Variants in RABGEF1 observed in about 807,000 individuals in gnomAD.
RABGEF1 encodes the protein rab5 GDP/GTP exchange factor.
Under a neutral mutation model 57.3 loss-of-function variants are expected in RABGEF1, and 26 were observed. The observed-to-expected ratio is 0.45, with a 90% confidence interval of 0.33 to 0.63. The LOEUF (loss-of-function observed/expected upper bound fraction) is 0.63, where lower values mean the gene tolerates loss of function less well. RABGEF1 is among the 20% of genes least tolerant of loss of function. RABGEF1 has a pLI of 0.02. For missense variants in RABGEF1, 464 were observed against 607.6 expected (o/e 0.76, Z 2.48); for synonymous variants, 185 against 210.7 (o/e 0.88, Z 1.06).
At chr7:66,743,357 C>CT in intron 1 of RABGEF1, among the ~76,000 whole-genome samples, 1 of 151,478 alleles carries the variant, frequency 6.6e-6, no homozygotes, top group Admixed American at 6.6e-5. Flanking sequence ...CTCTCTCTCT[C>CT]CCTGTCTCCC....
At chr7:66,721,599 TC>T (rs1796058637) in intron 2 of RABGEF1, among the ~76,000 whole-genome samples, 1 of 152,172 alleles carries the variant, frequency 6.6e-6, no homozygotes, top group Non-Finnish European at 1.5e-5. Flanking sequence ...ACTCTGACCC[TC>T]CTGCCTCCCC....
chr7:66,726,719 C>T (rs771873937), intron 2 of RABGEF1, among the ~76,000 whole-genome samples: 5 of 151,804 alleles, frequency 3.3e-5, no homozygotes, highest in Non-Finnish European at 7.4e-5. Flanking sequence ...AAATGGACTG[C>T]GAGGTCAGGT....
intron 1 of RABGEF1, among the ~76,000 whole-genome samples, chr7:66,762,175 G>A (rs1804575307): frequency 6.6e-6 from 1 of 152,226 alleles, no homozygotes; most frequent in Non-Finnish European, 1.5e-5. Flanking sequence ...GGTACTATTT[G>A]AGTCACTAGA....
the RABGEF1 span, among the ~76,000 whole-genome samples, chr7:66,657,561 C>T: frequency 6.6e-6 from 1 of 152,214 alleles, no homozygotes; most frequent in South Asian, 2.1e-4. Flanking sequence ...GTGGCTCATG[C>T]CAACATCCCA....
intron 1 of RABGEF1, among the ~76,000 whole-genome samples, chr7:66,762,764 G>C (rs937659400): frequency 2.0e-5 from 3 of 152,044 alleles, no homozygotes; most frequent in Non-Finnish European, 4.4e-5. Context: ...ATGGAGAAAT[G>C]GCATTGGGTC....
At chr7:66,805,813 T>C (rs1788303333) in intron 8 of RABGEF1, among the ~76,000 whole-genome samples, 1 of 152,052 alleles carries the variant, frequency 6.6e-6, no homozygotes, top group African/African-American at 2.4e-5. Context: ...GGTACAATCA[T>C]AGCTCACTGC....
At chr7:66,737,093 CGAGAGAGAGAGA>C (rs141745026), upstream of RABGEF1, among the ~76,000 whole-genome samples, 13 of 127,292 alleles carry the variant, frequency 1.0e-4, no homozygotes, top group African/African-American at 3.6e-4. Flanking sequence ...AGAGCGAGAG[CGAGAGAGAGAGA>C]GAGAGAGAGA....
intron 1 of RABGEF1, among the ~76,000 whole-genome samples, chr7:66,756,415 G>A (rs1231260870): frequency 2.6e-5 from 4 of 152,264 alleles, no homozygotes; most frequent in Middle Eastern, 3.4e-3. Context: ...TTGGCATTCC[G>A]TTTCTGTTTC....
At chr7:66,690,892 T>C (rs902938076) in intron 1 of RABGEF1, among the ~76,000 whole-genome samples, 8 of 150,980 alleles carry the variant, frequency 5.3e-5, no homozygotes, top group South Asian at 4.2e-4. Context: ...GAGACCAGCC[T>C]GGCCAACATG....
chr7:66,717,084 C>T (rs1275950743), intron 2 of RABGEF1, among the ~76,000 whole-genome samples: 1 of 152,150 alleles, frequency 6.6e-6, no homozygotes, highest in Non-Finnish European at 1.5e-5. Context: ...TGGCTGCTCT[C>T]TGTTTTTTAT....
chr7:66,718,077 C>A (rs1393234642), intron 2 of RABGEF1, among the ~76,000 whole-genome samples: 1 of 152,018 alleles, frequency 6.6e-6, no homozygotes, highest in African/African-American at 2.4e-5. Flanking sequence ...AATAGGTAGG[C>A]CAGGCATGGT....
At chr7:66,772,911 C>CAAAA (rs1043792326) in intron 2 of RABGEF1, among the ~76,000 whole-genome samples, 150 of 141,678 alleles carry the variant, frequency 1.1e-3, no homozygotes, top group African/African-American at 3.3e-3. Flanking sequence ...GACTCTGTCT[C>CAAAA]AAAAAAAAAT....
chr7:66,806,067 A>G (rs1470529815), intron 8 of RABGEF1, among the ~76,000 whole-genome samples: 1 of 151,774 alleles, frequency 6.6e-6, no homozygotes, highest in Non-Finnish European at 1.5e-5. Context: ...TTTTCTTCCT[A>G]CTAAACTCTG....
chr7:66,782,827 G>A (rs184380070), intron 3 of RABGEF1, among the ~76,000 whole-genome samples: 4 of 151,970 alleles, frequency 2.6e-5, no homozygotes, highest in East Asian at 1.9e-4. Context: ...TTATTTTTTC[G>A]TTTTGGAAAT....
chr7:66,750,788 A>T (rs997344052), intron 1 of RABGEF1, among the ~76,000 whole-genome samples: 2 of 152,216 alleles, frequency 1.3e-5, no homozygotes, highest in Non-Finnish European at 2.9e-5. Flanking sequence ...TATGGTAGTG[A>T]TTCTGCCATT....
At chr7:66,673,241 T>C in the RABGEF1 span, among the ~76,000 whole-genome samples, 111,099 of 142,212 alleles carry the variant, frequency 0.78, 44,124 homozygotes, top group African/African-American at 0.9. Context: ...ATAAAATAGG[T>C]GGTTCAGGGC....
intron 1 of RABGEF1, among the ~76,000 whole-genome samples, chr7:66,701,315 A>G (rs1211251666): frequency 2.0e-5 from 3 of 151,730 alleles, no homozygotes; most frequent in Non-Finnish European, 4.4e-5. Flanking sequence ...CCTAGGCAAC[A>G]TAGCGAGACC....
At chr7:66,780,857 A>C (rs1241854005) in intron 3 of RABGEF1, among the ~76,000 whole-genome samples, 2 of 152,148 alleles carry the variant, frequency 1.3e-5, no homozygotes, top group Admixed American at 6.5e-5. Context: ...TGGTACAACC[A>C]CTTAAGCTCT....
chr7:66,713,290 C>T (rs747265555), intron 2 of RABGEF1, among the ~76,000 whole-genome samples: 6 of 151,868 alleles, frequency 4.0e-5, no homozygotes, highest in East Asian at 1.9e-4. Flanking sequence ...TACAGGTGCC[C>T]GCCACCATGC....
Sources: gnomAD v4.1 joint callset for allele counts (sites outside exome capture counted in the v4.1 genomes callset) on GRCh38, gnomAD v4.1.1 for gene constraint, MANE v1.5 for transcripts, NCBI Gene and HGNC (gene_info 2026-07-23, HGNC 2026-07-21) for gene names.